Variants in SPIN1 observed in about 807,000 individuals in gnomAD.
SPIN1 encodes the protein spindlin 1.
Under a neutral mutation model 26.0 loss-of-function variants are expected in SPIN1, and 3 were observed. The ratio of observed to expected loss-of-function variants is 0.12; its 90% confidence interval spans 0.05 to 0.30. The LOEUF is 0.30. Ranked by LOEUF, SPIN1 falls within the 10% of genes least tolerant of loss-of-function variation. The probability of loss-of-function intolerance (pLI) is 1.00; values close to 1 mark genes in which losing one functional copy is unlikely to be tolerated. For synonymous variants in SPIN1, 101 were observed against 116.5 expected (o/e 0.87, Z 0.86); for missense variants, 126 against 333.4 (o/e 0.38, Z 4.84).
intron 5 of SPIN1, among the ~76,000 whole-genome samples, chr9:88,474,411 G>C (rs1828849082): frequency 6.6e-6 from 1 of 152,160 alleles, no homozygotes; most frequent in Non-Finnish European, 1.5e-5. Context: ...AGATGCCTGT[G>C]CCATCCTCAG....
At chr9:88,432,586 C>G (rs1165417401) in intron 2 of SPIN1, among the ~76,000 whole-genome samples, 1 of 151,828 alleles carries the variant, frequency 6.6e-6, no homozygotes, top group African/African-American at 2.4e-5. Flanking sequence ...CCCTGTTAAG[C>G]TGTTCTCCTG....
chr9:88,409,377 C>T (rs149325135), intron 1 of SPIN1, among the ~76,000 whole-genome samples: 1,984 of 151,966 alleles, frequency 0.013, 25 homozygotes, highest in Middle Eastern at 0.054. Flanking sequence ...TGTATACACA[C>T]GTGCACATCT....
At chr9:88,472,285 T>G (rs1828803974) in intron 5 of SPIN1, among the ~76,000 whole-genome samples, 1 of 152,218 alleles carries the variant, frequency 6.6e-6, no homozygotes, top group African/African-American at 2.4e-5. Context: ...ATAAGTCTTC[T>G]AATCCATGGC....
At chr9:88,440,798 T>C (rs1389836940) in intron 2 of SPIN1, among the ~76,000 whole-genome samples, 1 of 151,526 alleles carries the variant, frequency 6.6e-6, no homozygotes, top group Non-Finnish European at 1.5e-5. Flanking sequence ...AGGCTGGTCT[T>C]GAACTCTCAA....
chr9:88,389,959 A>G (rs1357575402), intron 1 of SPIN1, among the ~76,000 whole-genome samples: 1 of 149,596 alleles, frequency 6.7e-6, no homozygotes, highest in East Asian at 1.9e-4. Flanking sequence ...GGCAAACACC[A>G]AAATATTGTA....
At chr9:88,433,595 G>A (rs1827930474) in intron 2 of SPIN1, among the ~76,000 whole-genome samples, 1 of 152,194 alleles carries the variant, frequency 6.6e-6, no homozygotes, top group South Asian at 2.1e-4. Flanking sequence ...TGGGGAGTCT[G>A]TGAAATGTTT....
intron 1 of SPIN1, among the ~76,000 whole-genome samples, chr9:88,405,809 A>G (rs1294018566): frequency 1.3e-5 from 2 of 151,706 alleles, no homozygotes; most frequent in Non-Finnish European, 1.5e-5. Flanking sequence ...AAATCACTAG[A>G]CAATAGGAAT....
At chr9:88,435,763 T>C (rs1827987735) in intron 2 of SPIN1, among the ~76,000 whole-genome samples, 1 of 152,230 alleles carries the variant, frequency 6.6e-6, no homozygotes, top group African/African-American at 2.4e-5. Context: ...GTCAGTTTCT[T>C]GGAAACAGCC....
chr9:88,392,724 G>C (rs1218884982), intron 1 of SPIN1, among the ~76,000 whole-genome samples: 2 of 152,030 alleles, frequency 1.3e-5, no homozygotes, highest in Non-Finnish European at 2.9e-5. Context: ...CAGGGGACGA[G>C]AACACCTACC....
chr9:88,414,500 C>G (rs1240355446), intron 1 of SPIN1, among the ~76,000 whole-genome samples: 2 of 152,188 alleles, frequency 1.3e-5, no homozygotes, highest in Non-Finnish European at 2.9e-5. Flanking sequence ...GTCAGCAATT[C>G]TGTTTTCAGT....
chr9:88,437,532 A>C (rs1049699285), intron 2 of SPIN1, among the ~76,000 whole-genome samples: 1 of 151,938 alleles, frequency 6.6e-6, no homozygotes, highest in African/African-American at 2.4e-5. Flanking sequence ...AAACAACAAA[A>C]TGAATGAAGC....
intron 3 of SPIN1, among the ~76,000 whole-genome samples, chr9:88,457,446 C>T (rs187292450): frequency 3.9e-5 from 6 of 152,156 alleles, no homozygotes; most frequent in African/African-American, 1.2e-4. Context: ...ACGAGAATCA[C>T]GTGAACCTGG....
chr9:88,475,359 T>C lies in SPIN1; in HGVS notation c.*82T>C. The stretch of plus-strand genomic sequence containing the variant: ...ATAAAGACTTGATTGCTTTCCAGTT[T>C]AATGAAAGCTTAAATGTCCCTGCGA... On this transcript the variant is annotated 3_prime_UTR_variant, in exon 6 of 6. Transcript: ENST00000375859. 1 of 1,415,594 alleles carries C rather than the reference T, an allele frequency of 7.1e-7. No homozygotes were observed. Among genetic ancestry groups the C allele is most frequent in the Non-Finnish European group, 9.7e-7 (1 of 1,026,158 alleles). The allele number at this position is 1,415,594 out of a possible 1,614,324, so 87.7% of individuals were successfully genotyped here.
At chr9:88,473,196 C>T (rs982025562) in intron 5 of SPIN1, among the ~76,000 whole-genome samples, 4 of 151,144 alleles carry the variant, frequency 2.6e-5, no homozygotes, top group African/African-American at 9.9e-5. Flanking sequence ...AGTTCGAGGT[C>T]AGCCTGGTCA....
chr9:88,431,071 G>A (rs1200781483), intron 2 of SPIN1, among the ~76,000 whole-genome samples: 1 of 151,996 alleles, frequency 6.6e-6, no homozygotes, highest in Non-Finnish European at 1.5e-5. Context: ...TTTTAGTAGA[G>A]ACGGGGTTTT....
At chr9:88,471,032 A>G (rs891388948) in intron 5 of SPIN1, among the ~76,000 whole-genome samples, 1 of 152,050 alleles carries the variant, frequency 6.6e-6, no homozygotes, top group Non-Finnish European at 1.5e-5. Context: ...TATGTTGCAA[A>G]TGTTTTCTCC....
Position 88,468,616 on chromosome 9 carries a change from A to T in SPIN1, c.589+11A>T, listed in dbSNP as rs1828717004. Reference sequence around the variant, plus strand: ...TTATGCCTGATTCCAGTAAGTATATATTGGCAACTTTTATATGTGATAATT... The same window carrying T: ...TTATGCCTGATTCCAGTAAGTATATTTTGGCAACTTTTATATGTGATAATT... On this transcript the variant is annotated intron_variant, in intron 5 of 5. Transcript: ENST00000375859. The T allele has an allele frequency of 1.4e-6, 2 of 1,465,008 alleles. No homozygotes were observed. The highest frequency in any genetic ancestry group is 1.8e-6 in the Non-Finnish European group (2 of 1,102,486). The allele number at this position is 1,465,008 out of a possible 1,614,324, so 90.8% of individuals were successfully genotyped here.
At chr9:88,397,382 G>C (rs1414275664) in intron 1 of SPIN1, among the ~76,000 whole-genome samples, 1 of 152,006 alleles carries the variant, frequency 6.6e-6, no homozygotes, top group Non-Finnish European at 1.5e-5. Flanking sequence ...CTTTGCTCCA[G>C]TTGTGTGGGG....
intron 1 of SPIN1, among the ~76,000 whole-genome samples, chr9:88,405,240 GT>G: frequency 6.6e-6 from 1 of 151,712 alleles, no homozygotes; most frequent in African/African-American, 2.4e-5. Context: ...TTTTTTGTTT[GT>G]TTTTTGAGAC....
Sources: gnomAD v4.1 joint callset for allele counts (sites outside exome capture counted in the v4.1 genomes callset) on GRCh38, gnomAD v4.1.1 for gene constraint, MANE v1.5 for transcripts, NCBI Gene and HGNC (gene_info 2026-07-23, HGNC 2026-07-21) for gene names.